The following FAM167A variants were observed in gnomAD, a reference collection of about 807,000 sequenced individuals.
FAM167A encodes protein FAM167A.
A neutral mutation model predicts 14.9 loss-of-function variants in FAM167A; 23 were observed. The observed-to-expected ratio is 1.55, with a 90% confidence interval of 1.11 to 2.19. FAM167A has a LOEUF of 2.19. Ranked by LOEUF, FAM167A falls within the 30% of genes most tolerant of loss-of-function variation. The pLI is 0.00. For synonymous variants in FAM167A, 174 were observed against 117.7 expected (o/e 1.48, Z -3.10); for missense variants, 401 against 281.5 (o/e 1.42, Z -3.04).
chr8:11,458,597 G>A (rs990640169), intron 1 of FAM167A, among the ~76,000 whole-genome samples: 3 of 152,116 alleles, frequency 2.0e-5, no homozygotes, highest in East Asian at 3.8e-4. Context: ...TGGGCCTGGG[G>A]ATGTGCAATG....
At chr8:11,441,964 C>G (rs1268925879) in intron 2 of FAM167A, among the ~76,000 whole-genome samples, 1 of 152,226 alleles carries the variant, frequency 6.6e-6, no homozygotes, top group Non-Finnish European at 1.5e-5. Flanking sequence ...GCCTGGCATA[C>G]AGGACACACC....
At chr8:11,473,335 C>A (rs531283392) in intron 1 of FAM167A, among the ~76,000 whole-genome samples, 1 of 152,144 alleles carries the variant, frequency 6.6e-6, no homozygotes, top group East Asian at 1.9e-4. Flanking sequence ...ATCAGGAAGG[C>A]CGAGACATGA....
chr8:11,425,907 T>G (rs1367044271), intron 2 of FAM167A, among the ~76,000 whole-genome samples: 1 of 152,198 alleles, frequency 6.6e-6, no homozygotes, highest in Non-Finnish European at 1.5e-5. Context: ...GATACTTACA[T>G]CTGTAGAGCA....
intron 1 of FAM167A, among the ~76,000 whole-genome samples, chr8:11,449,482 C>T (rs535232812): frequency 6.6e-6 from 1 of 152,256 alleles, no homozygotes; most frequent in East Asian, 1.9e-4. Context: ...GAGGAAGAGC[C>T]CCCCAACACT....
chr8:11,452,518 T>C (rs1465471805), intron 1 of FAM167A, among the ~76,000 whole-genome samples: 1 of 151,884 alleles, frequency 6.6e-6, no homozygotes, highest in Admixed American at 6.6e-5. Flanking sequence ...CATGAAGGAG[T>C]GAGCCTGTGG....
At chr8:11,433,210 AAAAT>A (rs1245503251) in intron 2 of FAM167A, among the ~76,000 whole-genome samples, 5 of 151,660 alleles carry the variant, frequency 3.3e-5, no homozygotes, top group African/African-American at 9.8e-5. Flanking sequence ...ATGATAAAAA[AAAAT>A]AAAAAATAAA....
chr8:11,456,739 C>T (rs895794796), intron 1 of FAM167A, among the ~76,000 whole-genome samples: 5 of 143,780 alleles, frequency 3.5e-5, no homozygotes, highest in South Asian at 2.3e-4. Context: ...GAGACATGGG[C>T]GGGGCTGGGT....
intron 2 of FAM167A, chr8:11,438,054 G>C (rs569247448): frequency 2.2e-5 from 9 of 409,582 alleles, no homozygotes; most frequent in South Asian, 1.6e-4. Flanking sequence ...ACTTCACAAA[G>C]ACAGGAGCCC....
chr8:11,456,134 GC>G (rs1240543846), intron 1 of FAM167A, among the ~76,000 whole-genome samples: 2 of 41,084 alleles, frequency 4.9e-5, no homozygotes, highest in African/African-American at 1.7e-4. Context: ...TGGTTGCCTT[GC>G]TGTGTGTGTG....
intron 2 of FAM167A, among the ~76,000 whole-genome samples, chr8:11,437,638 T>C (rs115466590): frequency 0.016 from 2,498 of 151,982 alleles, 68 homozygotes; most frequent in African/African-American, 0.057. Context: ...CCCCAACACC[T>C]CCCCAGGTTT....
chr8:11,464,100 G>A (rs1448453746), intron 1 of FAM167A, among the ~76,000 whole-genome samples: 1 of 152,172 alleles, frequency 6.6e-6, no homozygotes, highest in Non-Finnish European at 1.5e-5. Flanking sequence ...GAGATTTGAT[G>A]CTGCCTGGCA....
chr8:11,426,751 A>T (rs1180395063), intron 2 of FAM167A, among the ~76,000 whole-genome samples: 6 of 152,178 alleles, frequency 3.9e-5, no homozygotes, highest in African/African-American at 1.4e-4. Flanking sequence ...CCTTTGGTTG[A>T]TCAGTCTTTG....
chr8:11,445,438 G>A lies in FAM167A; in HGVS notation c.-397-630C>T, dbSNP rs891574975. On this transcript the variant is annotated intron_variant, in intron 1 of 2. Coordinates refer to ENST00000284486, the MANE Select transcript of FAM167A (RefSeq NM_053279.3). ...ACCTTACCTCACCTCTTCAGAGACA[G>A]AAGCAAATAAACCTGCAGCTGTGGA... 8.1e-6 allele frequency: 8 copies of A among 985,710 alleles called. No homozygotes were observed. The African/African-American group carries it at 1.2e-4, about 15-fold the overall frequency. 61.1% of individuals were successfully genotyped at this position (985,710 alleles called of 1,614,324 possible).
At position 11,424,643 on chromosome 8, in the gene FAM167A, G is replaced by C. The variant is rs1341477501; in HGVS notation, c.382-7C>G. ...CCTGCAGCCGCATCTCCGTCTGGAAGGGAGGGGGAGCAGGCAGGGTCAGCA... is the reference window on the plus strand; with the variant it reads ...CCTGCAGCCGCATCTCCGTCTGGAACGGAGGGGGAGCAGGCAGGGTCAGCA... On this transcript the variant is annotated splice_region_variant and splice_polypyrimidine_tract_variant and intron_variant, in intron 2 of 2. Coordinates refer to ENST00000284486, the MANE Select transcript of FAM167A (RefSeq NM_053279.3). The C allele has an allele frequency of 1.6e-5, 26 of 1,612,840 alleles. No homozygotes were observed. Among genetic ancestry groups the C allele is most frequent in the Non-Finnish European group, 2.2e-5 (26 of 1,179,588 alleles).
intron 2 of FAM167A, among the ~76,000 whole-genome samples, chr8:11,436,619 G>A (rs1192288364): frequency 6.6e-6 from 1 of 152,220 alleles, no homozygotes; most frequent in Non-Finnish European, 1.5e-5. Context: ...TCCCCCATCT[G>A]CAGGCAGGAA....
chr8:11,435,827 T>C (rs1805966329), intron 2 of FAM167A, among the ~76,000 whole-genome samples: 1 of 152,254 alleles, frequency 6.6e-6, no homozygotes, highest in Non-Finnish European at 1.5e-5. Context: ...CACACACTAC[T>C]GATCATTTAT....
Position 11,444,022 on chromosome 8 carries a change from G to C in FAM167A, c.381+9C>G, listed in dbSNP as rs1460359241. ...TCTTTTCTGGGGATTCTTGGGGGCAGCCACTCACCAGTTCCTTCCTGAGCC... is the reference window on the plus strand; with the variant it reads ...TCTTTTCTGGGGATTCTTGGGGGCACCCACTCACCAGTTCCTTCCTGAGCC... On this transcript the variant is annotated intron_variant, in intron 2 of 2. Coordinates refer to ENST00000284486, the MANE Select transcript of FAM167A (RefSeq NM_053279.3). The C allele has an allele frequency of 4.4e-6, 7 of 1,602,106 alleles. No homozygotes were observed. Among genetic ancestry groups the C allele is most frequent in the Non-Finnish European group, 6.0e-6 (7 of 1,173,740 alleles).
chr8:11,470,909 C>G (rs1807941802), upstream of FAM167A, among the ~76,000 whole-genome samples: 1 of 152,154 alleles, frequency 6.6e-6, no homozygotes, highest in Non-Finnish European at 1.5e-5. Context: ...GCTCTCATCT[C>G]TCAGAAGAGG....
chr8:11,445,265 C>A, intron 1 of FAM167A: 1 of 985,532 alleles, frequency 1.0e-6, no homozygotes. Context: ...GCAGGGAAAC[C>A]GCACCCCACA....
Sources: allele counts gnomAD v4.1 joint callset (sites outside exome capture counted in the v4.1 genomes callset), GRCh38; gene constraint gnomAD v4.1.1; transcripts MANE v1.5; gene names NCBI Gene and HGNC (gene_info 2026-07-23, HGNC 2026-07-21).